Variants in CNNM1 observed in about 807,000 individuals in gnomAD.
CNNM1 encodes the protein cyclin and CBS domain divalent metal cation transport mediator 1.
A neutral mutation model predicts 78.8 loss-of-function variants in CNNM1; 44 were observed. The ratio of observed to expected loss-of-function variants is 0.56; its 90% CI spans 0.44 to 0.72. The LOEUF is 0.72. Ranked by LOEUF, CNNM1 falls within the 30% of genes least tolerant of loss-of-function variation. The pLI is 0.00. For synonymous variants in CNNM1, 584 were observed against 581.5 expected, an observed-to-expected ratio of 1.00 and a Z score of -0.06; for missense variants, 1,101 against 1,292.2, an observed-to-expected ratio of 0.85 and a Z score of 2.27.
intron 1 of CNNM1, among the ~76,000 whole-genome samples, 163 bp downstream of exon 1, chr10:99,331,123 T>G (rs2029893519): frequency 6.6e-6 from 1 of 152,190 alleles, no homozygotes; most frequent in South Asian, 2.1e-4. Flanking sequence ...TTCATCTCAC[T>G]TCTGCCTCAC....
At position 99,390,306 on chromosome 10, in the gene CNNM1, C is replaced by T. The variant is rs765263122; in HGVS notation, c.2675C>T (p.Ala892Val). 18 of 1,609,230 alleles carry T rather than the reference C, an allele frequency of 1.1e-5. No homozygotes were observed. In the South Asian group the frequency reaches 1.9e-4, roughly 17 times the overall value. The change falls in exon 10 of 11, where the codon GCA becomes GTA. Residue 892 changes from alanine to valine, a missense_variant and splice_region_variant. By Grantham distance (64) the Ala-to-Val change is moderately conservative (BLOSUM62 0). Around this residue, in one of 3 missense-constraint regions of CNNM1, gnomAD observed 348 missense variants for 384.5 expected, o/e 0.90. Transcript: ENST00000356713. ...LSPAAVPTRA[A>V]SDSECCNINL... ...TGAGTTCTCTCCTTTCCTTTCTCAG[C>T]ATCAGATAGTGAATGTTGTAACATC...
chr10:99,356,573 AAAGAAAG>A (rs2031196523), intron 1 of CNNM1, among the ~76,000 whole-genome samples: 1 of 121,744 alleles, frequency 8.2e-6, no homozygotes, highest in Non-Finnish European at 1.7e-5. Flanking sequence ...AGAAAGAAAG[AAAGAAAG>A]AAAGAAAGAA....
intron 7 of CNNM1, among the ~76,000 whole-genome samples, chr10:99,383,992 A>G (rs1564960529): frequency 1.3e-5 from 2 of 149,444 alleles, no homozygotes; most frequent in East Asian, 1.9e-4. Context: ...AAAATTCCTC[A>G]CTAATCACTT....
At position 99,357,564 on chromosome 10, in the gene CNNM1, C is replaced by G; in HGVS notation, c.1626C>G (p.Asp542Glu). 6.2e-7 allele frequency: 1 copy of G among 1,613,536 alleles called. No homozygotes were observed. The highest frequency in any genetic ancestry group is 8.5e-7 in the Non-Finnish European group (1 of 1,179,674). The change falls in exon 2 of 11, where the codon GAC (aspartate) becomes GAG (glutamate). Residue 542 changes from aspartate (D) to glutamate (E), a missense_variant. This residue lies in a region of CNNM1 where 277 missense variants were observed against 423.2 expected (regional missense o/e 0.65). Coordinates refer to ENST00000356713, the MANE Select transcript of CNNM1 (RefSeq NM_020348.3). ...VQRVNNEGEG[D>E]PFYEVMGIVT... ...GGGTGAATAATGAGGGAGAAGGGGA[C>G]CCTTTCTATGAGGTGATGGGCATTG... is the stretch of plus-strand genomic sequence containing the variant.
Position 99,344,001 on chromosome 10 carries a change from G to A in CNNM1, c.1573+13041G>A, listed in dbSNP as rs567076298. On this transcript the variant is annotated intron_variant, in intron 1 of 10. Transcript: ENST00000356713. ...GCCTCCCAAAGTGCTGGGATTACAGGCATAAACCACTGTGCCCGGCCTATT... is the reference window on the plus strand; with the variant it reads ...GCCTCCCAAAGTGCTGGGATTACAGACATAAACCACTGTGCCCGGCCTATT... Among the ~76,000 whole-genome samples the A allele has an allele frequency of 2.4e-4, 36 of 150,740 alleles. 1 individual carries two copies. The South Asian group carries it at 6.4e-3, about 27-fold the overall frequency.
At chr10:99,383,619 A>C (rs558532748) in intron 7 of CNNM1, among the ~76,000 whole-genome samples, 34 of 152,304 alleles carry the variant, frequency 2.2e-4, no homozygotes, top group African/African-American at 6.3e-4. Context: ...GTTTGGAAAG[A>C]ACAAGAGGAG....
chr10:99,336,148 A>G (rs1174548682), intron 1 of CNNM1, among the ~76,000 whole-genome samples: 1 of 152,216 alleles, frequency 6.6e-6, no homozygotes, highest in Non-Finnish European at 1.5e-5. Flanking sequence ...TGCATGTATG[A>G]TGGTGATCCC....
intron 7 of CNNM1, among the ~76,000 whole-genome samples, chr10:99,379,408 G>A (rs967641227): frequency 6.6e-6 from 1 of 152,176 alleles, no homozygotes; most frequent in East Asian, 1.9e-4. Context: ...CTCTTGAAAT[G>A]GTTATCAGAC....
In CNNM1 at chr10:99,376,915, C is replaced by G; in HGVS notation, c.2177-140C>G. The stretch of plus-strand genomic sequence containing the variant: ...AAGGGTGAGGCCCATCACCACCACC[C>G]AGTGTTACCATCGCCTGAAAGTCTT... On this transcript the variant is annotated intron_variant, in intron 6 of 10. Coordinates refer to ENST00000356713, the MANE Select transcript of CNNM1 (RefSeq NM_020348.3). The G allele has an allele frequency of 3.8e-6, 3 of 781,434 alleles. No homozygotes were observed. In the South Asian group the frequency reaches 5.2e-5, roughly 14 times the overall value. The allele number at this position is 781,434 out of a possible 1,614,324, so 48.4% of individuals were successfully genotyped here.
intron 1 of CNNM1, among the ~76,000 whole-genome samples, chr10:99,337,199 T>TA (rs1261935180): frequency 2.0e-5 from 3 of 152,232 alleles, no homozygotes; most frequent in Non-Finnish European, 2.9e-5. Flanking sequence ...CCTAAGAAGT[T>TA]ACACTTTTTC....
At chr10:99,335,385 A>G (rs1410570072) in intron 1 of CNNM1, among the ~76,000 whole-genome samples, 2 of 152,218 alleles carry the variant, frequency 1.3e-5, no homozygotes, top group African/African-American at 4.8e-5. Context: ...ACTGGACTGT[A>G]AGTTCCTTGA....
intron 2 of CNNM1, among the ~76,000 whole-genome samples, chr10:99,359,243 G>T (rs1159022559): frequency 6.6e-6 from 1 of 151,710 alleles, no homozygotes; most frequent in East Asian, 1.9e-4. Context: ...TCTGATGGGG[G>T]AGAGGGGGGC....
intron 7 of CNNM1, among the ~76,000 whole-genome samples, chr10:99,385,195 A>T (rs1027369515): frequency 1.3e-5 from 2 of 152,098 alleles, no homozygotes; most frequent in Admixed American, 6.6e-5. Context: ...AGCCTGGGGG[A>T]CGCAGCCAGT....
At chr10:99,355,373 G>A (rs10786540) in intron 1 of CNNM1, among the ~76,000 whole-genome samples, 129,087 of 152,124 alleles carry the variant, frequency 0.85, 55,111 homozygotes, top group African/African-American at 0.93. Context: ...ATGTATACAT[G>A]TGTAACTAAC....
intron 1 of CNNM1, among the ~76,000 whole-genome samples, chr10:99,348,030 G>C (rs1253332669): frequency 4.9e-5 from 3 of 60,768 alleles, no homozygotes; most frequent in African/African-American, 2.0e-4. Context: ...ATGTGTGTGT[G>C]TGTGTGTGTA....
chr10:99,338,911 T>G (rs2030318106), intron 1 of CNNM1, among the ~76,000 whole-genome samples: 1 of 152,212 alleles, frequency 6.6e-6, no homozygotes, highest in Admixed American at 6.5e-5. Context: ...TGCTATAATT[T>G]GGGAAGACTA....
intron 7 of CNNM1, among the ~76,000 whole-genome samples, chr10:99,385,016 A>G (rs1459911827): frequency 6.6e-6 from 1 of 151,076 alleles, no homozygotes; most frequent in Non-Finnish European, 1.5e-5. Context: ...GCACCACTGC[A>G]CTCCAGCCTG....
chr10:99,336,837 G>A (rs990552969), intron 1 of CNNM1, among the ~76,000 whole-genome samples: 1 of 152,116 alleles, frequency 6.6e-6, no homozygotes, highest in African/African-American at 2.4e-5. Context: ...CAGTAATGGT[G>A]CACACCTGTA....
intron 7 of CNNM1, among the ~76,000 whole-genome samples, chr10:99,386,917 C>T (rs1461893830): frequency 5.9e-5 from 9 of 152,188 alleles, no homozygotes; most frequent in East Asian, 3.8e-4. Context: ...GGGATGAAAA[C>T]GCTTTAGGAG....
Sources: gnomAD v4.1 joint callset for allele counts (sites outside exome capture counted in the v4.1 genomes callset) on GRCh38, gnomAD v4.1.1 for gene constraint, gnomAD v4.1.1 regional missense constraint, MANE v1.5 for transcripts, NCBI Gene and HGNC (gene_info 2026-07-23, HGNC 2026-07-21) for gene names.